Variants in ZDHHC14 observed in about 807,000 individuals in gnomAD.
ZDHHC14 encodes the protein palmitoyltransferase ZDHHC14.
A neutral mutation model predicts 47.7 loss-of-function variants in ZDHHC14; 16 were observed. The observed-to-expected ratio is 0.34, with a 90% CI of 0.23 to 0.51. ZDHHC14 has a LOEUF of 0.51. ZDHHC14 is among the 20% of genes least tolerant of loss of function. The probability of loss-of-function intolerance (pLI) is 0.97; values close to 1 mark genes in which losing one functional copy is unlikely to be tolerated. For synonymous variants in ZDHHC14, 293 were observed against 278.9 expected, an observed-to-expected ratio of 1.05 and a Z score of -0.50; for missense variants, 515 against 662.5, an observed-to-expected ratio of 0.78 and a Z score of 2.44.
At chr6:157,518,668 C>T (rs1035337575) in intron 1 of ZDHHC14, among the ~76,000 whole-genome samples, 4 of 95,720 alleles carry the variant, frequency 4.2e-5, no homozygotes, top group African/African-American at 1.6e-4. Flanking sequence ...AGTTGTGAAA[C>T]GGTGCCCAAT....
intron 1 of ZDHHC14, among the ~76,000 whole-genome samples, chr6:157,478,211 T>TCTCTACTC (rs72274888): frequency 2.0e-5 from 3 of 152,142 alleles, no homozygotes; most frequent in Non-Finnish European, 4.4e-5. Flanking sequence ...ACTCTCTACT[T>TCTCTACTC]TGAAGCAATC....
intron 1 of ZDHHC14, among the ~76,000 whole-genome samples, chr6:157,404,682 T>C (rs145295926): frequency 1.3e-5 from 2 of 152,236 alleles, no homozygotes; most frequent in African/African-American, 2.4e-5. Context: ...CAGGTGGCAC[T>C]GTGCTTGGTT....
chr6:157,487,667 A>G (rs915181841), intron 1 of ZDHHC14, among the ~76,000 whole-genome samples: 3 of 152,214 alleles, frequency 2.0e-5, no homozygotes, highest in African/African-American at 7.2e-5. Flanking sequence ...TTCCAGCAGC[A>G]CAAGGATTCA....
At chr6:157,551,443 A>G (rs1393177444) in intron 2 of ZDHHC14, among the ~76,000 whole-genome samples, 2 of 152,216 alleles carry the variant, frequency 1.3e-5, no homozygotes, top group Non-Finnish European at 2.9e-5. Context: ...AGGTATATAT[A>G]GCCCTCCTTT....
chr6:157,391,361 C>T (rs986851721), intron 1 of ZDHHC14, among the ~76,000 whole-genome samples: 37 of 152,120 alleles, frequency 2.4e-4, no homozygotes, highest in African/African-American at 7.2e-5. Flanking sequence ...TGCAGTGGTC[C>T]GAGTGAAGGC....
chr6:157,522,830 TCCCTCCC>T (rs1780986362), intron 1 of ZDHHC14, among the ~76,000 whole-genome samples: 20 of 36,622 alleles, frequency 5.5e-4, no homozygotes, highest in African/African-American at 3.3e-3. Flanking sequence ...CCTCCCTCCC[TCCCTCCC>T]TTCCTTCCTT....
intron 8 of ZDHHC14, among the ~76,000 whole-genome samples, chr6:157,653,901 G>A (rs948762787): frequency 2.6e-5 from 4 of 152,184 alleles, no homozygotes; most frequent in African/African-American, 2.4e-5. Flanking sequence ...CTTGAGGCAC[G>A]TGGATGGAAG....
intron 1 of ZDHHC14, among the ~76,000 whole-genome samples, chr6:157,539,193 C>T (rs573021287): frequency 2.0e-5 from 3 of 151,860 alleles, no homozygotes; most frequent in South Asian, 2.1e-4. Context: ...GAGGATTACT[C>T]GAGCCCAGGA....
chr6:157,635,038 G>C (rs558396859), intron 5 of ZDHHC14, among the ~76,000 whole-genome samples: 5 of 151,982 alleles, frequency 3.3e-5, no homozygotes, highest in Non-Finnish European at 7.4e-5. Flanking sequence ...CTGTCGCCCA[G>C]GCTGGAGTGC....
intron 5 of ZDHHC14, 24 bp downstream of exon 5, chr6:157,632,906 T>C: frequency 6.2e-7 from 1 of 1,613,354 alleles, no homozygotes; most frequent in Non-Finnish European, 8.5e-7. Flanking sequence ...TGATTCTGTT[T>C]TCACGATGCT....
chr6:157,460,546 C>T (rs1779054397), intron 1 of ZDHHC14, among the ~76,000 whole-genome samples: 1 of 151,740 alleles, frequency 6.6e-6, no homozygotes, highest in Non-Finnish European at 1.5e-5. Flanking sequence ...TGAAGAAGCT[C>T]GCTGCCTGAG....
Position 157,416,737 on chromosome 6 carries a change from A to G in ZDHHC14, c.245+34471A>G, listed in dbSNP as rs906059420. On this transcript the variant is annotated intron_variant, in intron 1 of 8. Transcript: ENST00000359775. ...TGCTATGGTAAAAAATTCGAACAGT[A>G]TAGAGGCCGTTGAATGAAAACTAAT... 4.7e-5 allele frequency among the ~76,000 whole-genome samples: 7 copies of G among 149,954 alleles called. No homozygotes were observed. In the South Asian group the frequency reaches 6.3e-4, roughly 14 times the overall value.
intron 1 of ZDHHC14, among the ~76,000 whole-genome samples, chr6:157,528,579 G>T (rs1451083268): frequency 2.0e-5 from 3 of 151,694 alleles, no homozygotes; most frequent in Non-Finnish European, 1.5e-5. Context: ...AAAATACAAA[G>T]AAATTAGCCA....
chr6:157,431,773 A>G (rs1167208526), intron 1 of ZDHHC14, among the ~76,000 whole-genome samples: 1 of 150,034 alleles, frequency 6.7e-6, no homozygotes, highest in Non-Finnish European at 1.5e-5. Flanking sequence ...TGTGTCACTC[A>G]GGCTAGAGTG....
intron 3 of ZDHHC14, among the ~76,000 whole-genome samples, chr6:157,617,535 C>G (rs1218078859): frequency 6.6e-5 from 10 of 152,088 alleles, no homozygotes; most frequent in Non-Finnish European, 2.9e-5. Context: ...CTACAAGATC[C>G]CAGAAACGTA....
At chr6:157,579,191 T>TGG (rs1554269215) in intron 2 of ZDHHC14, among the ~76,000 whole-genome samples, 1 of 47,152 alleles carries the variant, frequency 2.1e-5, no homozygotes, top group Non-Finnish European at 3.5e-5. Context: ...TGATTCTGTG[T>TGG]TTTTTTTTTT....
intron 3 of ZDHHC14, among the ~76,000 whole-genome samples, chr6:157,612,184 C>T (rs1257310341): frequency 6.6e-6 from 1 of 152,190 alleles, no homozygotes; most frequent in African/African-American, 2.4e-5. Flanking sequence ...CCAGCTTAAA[C>T]CACTTCATCC....
At chr6:157,541,925 C>T (rs552689603) in intron 1 of ZDHHC14, among the ~76,000 whole-genome samples, 1 of 152,326 alleles carries the variant, frequency 6.6e-6, no homozygotes, top group African/African-American at 2.4e-5. Context: ...ATTGATAGCT[C>T]AGATGCCCTC....
intron 2 of ZDHHC14, among the ~76,000 whole-genome samples, chr6:157,584,307 G>A (rs1192440458): frequency 6.6e-6 from 1 of 152,116 alleles, no homozygotes; most frequent in Non-Finnish European, 1.5e-5. Context: ...GGTGGCTGTG[G>A]TGTGCTGGAG....
Sources: gnomAD v4.1 joint callset for allele counts (sites outside exome capture counted in the v4.1 genomes callset) on GRCh38, gnomAD v4.1.1 for gene constraint, MANE v1.5 for transcripts, NCBI Gene and HGNC (gene_info 2026-07-23, HGNC 2026-07-21) for gene names.